The following ITSN1 variants were observed in gnomAD, a reference collection of about 807,000 sequenced individuals.
ITSN1 encodes intersectin-1.
A neutral mutation model predicts 239.8 loss-of-function variants in ITSN1; 58 were observed. That is an observed-to-expected ratio of 0.24 (90% CI 0.20 to 0.30). The LOEUF (loss-of-function observed/expected upper bound fraction) is 0.30, where lower values mean the gene tolerates loss of function less well. ITSN1 is among the 10% of genes least tolerant of loss of function. ITSN1 has a pLI of 1.00. For synonymous variants in ITSN1, 780 were observed against 770.8 expected (o/e 1.01, Z -0.20); for missense variants, 1,558 against 2,103.3 (o/e 0.74, Z 5.07).
chr21:33,825,814 T>G (rs1412377735), intron 25 of ITSN1, among the ~76,000 whole-genome samples: 1 of 152,176 alleles, frequency 6.6e-6, no homozygotes, highest in South Asian at 2.1e-4. Context: ...AGAATCAGAG[T>G]AAAAATTTAA....
intron 29 of ITSN1, among the ~76,000 whole-genome samples, chr21:33,850,489 G>A (rs1050770134): frequency 2.0e-5 from 3 of 152,208 alleles, no homozygotes; most frequent in Non-Finnish European, 2.9e-5. Context: ...ATAACCGCTT[G>A]GAGTGATGCC....
At chr21:33,730,230 T>G (rs551447323) in intron 4 of ITSN1, among the ~76,000 whole-genome samples, 1 of 152,168 alleles carries the variant, frequency 6.6e-6, no homozygotes, top group South Asian at 2.1e-4. Context: ...TCTATCCCTT[T>G]ACCCTGTTTC....
chr21:33,801,863 CG>C (rs1487069638), intron 19 of ITSN1, among the ~76,000 whole-genome samples: 1 of 152,178 alleles, frequency 6.6e-6, no homozygotes, highest in Admixed American at 6.5e-5. Flanking sequence ...CTTGAGCCAG[CG>C]GGGTGTGTTT....
At position 33,895,961 on chromosome 21, in the gene ITSN1, C is replaced by T. The variant is rs8126592; in HGVS notation, c.*7661C>T. 40,375 of 152,202 alleles carry T rather than the reference C, an allele frequency of 0.27. 5,558 individuals are homozygous for T. The highest frequency in any genetic ancestry group is 0.32 in the Middle Eastern group (93 of 294). 9.4% of individuals were successfully genotyped at this position (152,202 alleles called of 1,614,324 possible). On this transcript the variant is annotated 3_prime_UTR_variant, in exon 40 of 40. Coordinates refer to ENST00000381318, the MANE Select transcript of ITSN1 (RefSeq NM_003024.3). ...TCAGGTCCCTTCTGAGTGCATAGCC[C>T]CTTGTGGCTGCCAGGCAGCACACCC... is the stretch of plus-strand genomic sequence containing the variant.
chr21:33,746,806 T>C (rs138538077), intron 5 of ITSN1, among the ~76,000 whole-genome samples: 42 of 152,212 alleles, frequency 2.8e-4, no homozygotes, highest in African/African-American at 9.9e-4. Flanking sequence ...TGCGCCATTA[T>C]ACTCCAGCCT....
intron 1 of ITSN1, among the ~76,000 whole-genome samples, chr21:33,674,815 A>T (rs2090497363): frequency 6.6e-6 from 1 of 152,230 alleles, no homozygotes; most frequent in Non-Finnish European, 1.5e-5. Context: ...TCTATTCTAA[A>T]AGAGAGGAAA....
chr21:33,840,551 A>T (rs1257345595), intron 29 of ITSN1, among the ~76,000 whole-genome samples: 1 of 152,004 alleles, frequency 6.6e-6, no homozygotes, highest in Non-Finnish European at 1.5e-5. Context: ...TGGTAGAGAC[A>T]GGGTTTCACC....
chr21:33,657,021 T>C (rs543079015), intron 1 of ITSN1, among the ~76,000 whole-genome samples: 3 of 152,274 alleles, frequency 2.0e-5, no homozygotes, highest in African/African-American at 7.2e-5. Flanking sequence ...ATGTCCGGCC[T>C]TTTTTAATTT....
In ITSN1 at chr21:33,723,693, T is replaced by C. The variant is rs1203404377; in HGVS notation, c.185+1042T>C. 2.0e-5 allele frequency among the ~76,000 whole-genome samples: 3 copies of C among 152,236 alleles called. No individual in the cohort carries two copies. In the East Asian group the frequency reaches 5.8e-4, roughly 29 times the overall value. ...TGTACCATTTTCAGTGTCTCTGATT[T>C]GGAGATACAGTTACCCTCTTTGACC... is the stretch of plus-strand genomic sequence containing the variant. On this transcript the variant is annotated intron_variant, in intron 4 of 39. Transcript: ENST00000381318.
At position 33,895,798 on chromosome 21, in the gene ITSN1, TA is replaced by T. The variant is rs1986744895; in HGVS notation, c.*7499del. On this transcript the variant is annotated 3_prime_UTR_variant, in exon 40 of 40. Coordinates refer to ENST00000381318, the MANE Select transcript of ITSN1 (RefSeq NM_003024.3). The stretch of plus-strand genomic sequence containing the variant: ...GTGCCTTGGAGAGGGAAACAGGAAA[TA>T]CGTTGCTCCACAGTCCTGTCATCCT... 1 of 152,234 alleles carries T rather than the reference TA, an allele frequency of 6.6e-6. No homozygotes were observed. Among genetic ancestry groups the T allele is most frequent in the Non-Finnish European group, 1.5e-5 (1 of 68,076 alleles). 9.4% of individuals were successfully genotyped at this position (152,234 alleles called of 1,614,324 possible). A position where few individuals can be genotyped will look rare whatever the true frequency, so the allele number is the denominator to read the frequency against.
chr21:33,818,194 C>T, intron 22 of ITSN1, 73 bp from the exon 23 acceptor site: 1 of 1,258,592 alleles, frequency 7.9e-7, no homozygotes, highest in Non-Finnish European at 1.1e-6. Context: ...TGGAGAGGTG[C>T]CATGCTCACG....
chr21:33,874,512 A>C (rs1379077333), intron 33 of ITSN1, among the ~76,000 whole-genome samples: 1 of 152,242 alleles, frequency 6.6e-6, no homozygotes, highest in African/African-American at 2.4e-5. Flanking sequence ...ATCAAATGCC[A>C]GAATTGCATT....
At chr21:33,660,710 T>G (rs1482805768) in intron 1 of ITSN1, among the ~76,000 whole-genome samples, 2 of 152,222 alleles carry the variant, frequency 1.3e-5, no homozygotes, top group Admixed American at 6.5e-5. Flanking sequence ...AAATTGTGGT[T>G]ATTTTGTGAT....
intron 1 of ITSN1, among the ~76,000 whole-genome samples, chr21:33,672,185 G>T (rs2090328809): frequency 6.6e-6 from 1 of 151,892 alleles, no homozygotes; most frequent in African/African-American, 2.4e-5. Flanking sequence ...GGAGGTTACG[G>T]TGAGCTGGGC....
chr21:33,649,958 G>C (rs749637371), intron 1 of ITSN1, among the ~76,000 whole-genome samples: 1 of 151,544 alleles, frequency 6.6e-6, no homozygotes, highest in Non-Finnish European at 1.5e-5. Flanking sequence ...GAACCCAGGA[G>C]GTGGAGATTT....
chr21:33,700,386 T>G (rs2091957454), intron 1 of ITSN1, among the ~76,000 whole-genome samples: 1 of 151,976 alleles, frequency 6.6e-6, no homozygotes, highest in Non-Finnish European at 1.5e-5. Flanking sequence ...CACTTGGCCC[T>G]GAATTGTTTA....
chr21:33,691,262 G>C (rs1364427626), intron 1 of ITSN1, among the ~76,000 whole-genome samples: 2 of 152,022 alleles, frequency 1.3e-5, no homozygotes, highest in African/African-American at 4.8e-5. Flanking sequence ...GATTTAAGCT[G>C]AGCAATGTAA....
chr21:33,879,331 A>G (rs1472889672), intron 34 of ITSN1, among the ~76,000 whole-genome samples: 1 of 152,188 alleles, frequency 6.6e-6, no homozygotes, highest in Non-Finnish European at 1.5e-5. Flanking sequence ...AACGTGGGCA[A>G]CAGAGCAAGA....
chr21:33,746,440 G>A (rs2067187873), intron 5 of ITSN1, among the ~76,000 whole-genome samples: 2 of 152,080 alleles, frequency 1.3e-5, no homozygotes, highest in Admixed American at 1.3e-4. Flanking sequence ...AAGAACTAAA[G>A]GAAAACGTGG....
Sources: gnomAD v4.1 joint callset for allele counts (sites outside exome capture counted in the v4.1 genomes callset) on GRCh38, gnomAD v4.1.1 for gene constraint, MANE v1.5 for transcripts, NCBI Gene and HGNC (gene_info 2026-07-23, HGNC 2026-07-21) for gene names.